ADARB2: variants seen among roughly 807,000 people sequenced by gnomAD.
The protein encoded by ADARB2 is inactive double-stranded RNA-specific editase B2.
Under a neutral mutation model 62.2 loss-of-function variants are expected in ADARB2, and 25 were observed. The observed-to-expected ratio is 0.40, with a 90% CI of 0.29 to 0.56. The LOEUF is 0.56. Among genes scored for constraint, ADARB2 ranks in the 20% least tolerant of loss-of-function variants. The pLI, the probability that ADARB2 is intolerant of heterozygous loss-of-function variation, is 0.43. For synonymous variants in ADARB2, 572 were observed against 500.8 expected (o/e 1.14, Z -1.90); for missense variants, 1,071 against 1,077.4 (o/e 0.99, Z 0.08).
intron 1 of ADARB2, among the ~76,000 whole-genome samples, chr10:1,695,723 T>C (rs1045058271): frequency 4.6e-5 from 7 of 152,110 alleles, no homozygotes; most frequent in African/African-American, 1.4e-4. Context: ...TACATGTATG[T>C]GAGACCATGC....
chr10:1,296,365 C>T (rs1463136134), intron 3 of ADARB2, among the ~76,000 whole-genome samples: 1 of 152,218 alleles, frequency 6.6e-6, no homozygotes, highest in Non-Finnish European at 1.5e-5. Flanking sequence ...TTTCATTCCC[C>T]ACTGCTGGTC....
At chr10:1,556,322 A>G (rs1832702295) in intron 1 of ADARB2, among the ~76,000 whole-genome samples, 1 of 148,918 alleles carries the variant, frequency 6.7e-6, no homozygotes, top group African/African-American at 2.5e-5. Flanking sequence ...AGGGGGTTCT[A>G]TAAGAGGAAG....
chr10:1,729,254 T>C (rs377022251), intron 1 of ADARB2, among the ~76,000 whole-genome samples: 5 of 152,264 alleles, frequency 3.3e-5, no homozygotes, highest in African/African-American at 1.2e-4. Flanking sequence ...AAACAAATCA[T>C]TTGTAGATCC....
intron 3 of ADARB2, among the ~76,000 whole-genome samples, chr10:1,307,116 A>G (rs1831636977): frequency 1.7e-5 from 2 of 114,578 alleles, no homozygotes; most frequent in Admixed American, 9.9e-5. Context: ...TCTGCACAGC[A>G]AAAGAAACTA....
chr10:1,190,218 C>T (rs1025903335), intron 8 of ADARB2, among the ~76,000 whole-genome samples: 2 of 152,096 alleles, frequency 1.3e-5, no homozygotes, highest in African/African-American at 2.4e-5. Flanking sequence ...CACACAGATA[C>T]CCCAGTGCTG....
chr10:1,646,382 A>G (rs1377577782), intron 1 of ADARB2, among the ~76,000 whole-genome samples: 4 of 152,242 alleles, frequency 2.6e-5, no homozygotes, highest in African/African-American at 9.6e-5. Flanking sequence ...CTCTCTCTGC[A>G]TGTTCTTGGC....
chr10:1,339,277 C>A lies in ADARB2; in HGVS notation c.1077+23751G>T, dbSNP rs142912832. Among the ~76,000 whole-genome samples the A allele has an allele frequency of 3.9e-4, 59 of 152,330 alleles. 1 individual carries two copies. In the East Asian group the frequency reaches 0.011, roughly 29 times the overall value. The stretch of plus-strand genomic sequence containing the variant: ...GTTTTCAGAGCTGGCAACATGGTGA[C>A]CACGATTCACACATGGCTAAGTGCA... On this transcript the variant is annotated intron_variant, in intron 3 of 9. Coordinates refer to ENST00000381312, the MANE Select transcript of ADARB2 (RefSeq NM_018702.4).
At chr10:1,387,944 A>C (rs920398580) in intron 1 of ADARB2, among the ~76,000 whole-genome samples, 2 of 151,926 alleles carry the variant, frequency 1.3e-5, no homozygotes, top group Non-Finnish European at 3.0e-5. Context: ...TTACAGTTTG[A>C]AAATCAATCA....
chr10:1,548,618 G>A (rs184947160), intron 1 of ADARB2, among the ~76,000 whole-genome samples: 1 of 152,364 alleles, frequency 6.6e-6, no homozygotes, highest in East Asian at 1.9e-4. Flanking sequence ...TGGCAAATGC[G>A]TGGGTTGCAG....
chr10:1,286,942 C>T (rs1011816221), intron 3 of ADARB2, among the ~76,000 whole-genome samples: 2 of 152,132 alleles, frequency 1.3e-5, no homozygotes, highest in Non-Finnish European at 2.9e-5. Flanking sequence ...GCAAACATAA[C>T]ATTTTTTTAG....
At chr10:1,199,826 C>T (rs1389365827) in intron 8 of ADARB2, 140 bp downstream of exon 8, 2 of 886,320 alleles carry the variant, frequency 2.3e-6, no homozygotes, top group East Asian at 2.7e-5. Flanking sequence ...TTTTTAAAAT[C>T]GTAGGACTTT....
At chr10:1,445,481 C>T (rs12245649) in intron 1 of ADARB2, among the ~76,000 whole-genome samples, 21,203 of 151,802 alleles carry the variant, frequency 0.14, 2,206 homozygotes, top group African/African-American at 0.29. Flanking sequence ...ATCCATTCAC[C>T]ACCCATCCAC....
chr10:1,435,876 T>A (rs1225115940), intron 1 of ADARB2, among the ~76,000 whole-genome samples: 1 of 152,214 alleles, frequency 6.6e-6, no homozygotes, highest in Non-Finnish European at 1.5e-5. Flanking sequence ...GGGAAAATGA[T>A]TTTATAGAAA....
chr10:1,675,087 T>C (rs536538570), intron 1 of ADARB2: 307 of 980,952 alleles, frequency 3.1e-4, no homozygotes, highest in Non-Finnish European at 3.6e-4. Context: ...GGTTAAGGGA[T>C]GTGTGGATGT....
At chr10:1,201,704 G>A (rs928089506) in intron 7 of ADARB2, among the ~76,000 whole-genome samples, 4 of 151,572 alleles carry the variant, frequency 2.6e-5, no homozygotes, top group Admixed American at 6.6e-5. Context: ...GACACACAGC[G>A]CCTGTCACCG....
At chr10:1,678,998 G>A (rs11250723) in intron 1 of ADARB2, among the ~76,000 whole-genome samples, 13,823 of 152,248 alleles carry the variant, frequency 0.091, 775 homozygotes, top group East Asian at 0.22. Context: ...AGACATGAGC[G>A]AGTGAGTTCT....
chr10:1,523,084 G>A (rs932962344), intron 1 of ADARB2, among the ~76,000 whole-genome samples: 9 of 152,266 alleles, frequency 5.9e-5, no homozygotes, highest in African/African-American at 2.2e-4. Flanking sequence ...ACCGACTCAC[G>A]TTTCTATAGC....
intron 7 of ADARB2, among the ~76,000 whole-genome samples, chr10:1,212,625 T>A (rs1040842456): frequency 2.0e-5 from 3 of 152,156 alleles, no homozygotes; most frequent in African/African-American, 7.2e-5. Flanking sequence ...GCAGGCACCC[T>A]GCAACCAAGT....
intron 1 of ADARB2, among the ~76,000 whole-genome samples, chr10:1,713,085 A>G (rs2119153640): frequency 6.6e-6 from 1 of 152,302 alleles, no homozygotes; most frequent in African/African-American, 2.4e-5. Flanking sequence ...CAGTTTGAGA[A>G]AAAAAGCATA....
Sources: gnomAD v4.1 joint callset for allele counts (sites outside exome capture counted in the v4.1 genomes callset) on GRCh38, gnomAD v4.1.1 for gene constraint, MANE v1.5 for transcripts, NCBI Gene and HGNC (gene_info 2026-07-23, HGNC 2026-07-21) for gene names.